ANO2: variants seen among roughly 807,000 people sequenced by gnomAD.
The protein encoded by ANO2 is anoctamin 2, also known as anoctamin-2.
ANO2 carries 101 observed loss-of-function variants against 124.2 expected under a neutral mutation model. The ratio of observed to expected loss-of-function variants is 0.81; its 90% CI spans 0.69 to 0.96. ANO2 has a LOEUF of 0.96. ANO2 is among the 40% of genes least tolerant of loss of function. ANO2 has a pLI of 0.00. For missense variants in ANO2, 1,293 were observed against 1,274.5 expected (o/e 1.01, Z -0.22); for synonymous variants, 486 against 482.5 (o/e 1.01, Z -0.09).
intron 3 of ANO2, among the ~76,000 whole-genome samples, chr12:5,916,703 A>G (rs1261117233): frequency 6.9e-6 from 1 of 144,868 alleles, no homozygotes; most frequent in Non-Finnish European, 1.5e-5. Context: ...TGTTCTACAC[A>G]ATAAAGTCTT....
At chr12:5,928,400 C>T (rs2136313079) in intron 1 of ANO2, among the ~76,000 whole-genome samples, 1 of 151,732 alleles carries the variant, frequency 6.6e-6, no homozygotes, top group African/African-American at 2.4e-5. Context: ...AGTCTACTTT[C>T]CTTCCTCACT....
intron 10 of ANO2, among the ~76,000 whole-genome samples, chr12:5,753,461 T>A (rs893927616): frequency 6.6e-6 from 1 of 152,232 alleles, no homozygotes; most frequent in African/African-American, 2.4e-5. Flanking sequence ...GCTTCTTGCA[T>A]CACTCAGCTT....
chr12:5,826,476 A>ATATATATC (rs1427598442), intron 7 of ANO2, among the ~76,000 whole-genome samples: 5 of 146,640 alleles, frequency 3.4e-5, no homozygotes, highest in African/African-American at 1.3e-4. Context: ...ATATATATAT[A>ATATATATC]TCCTTGATAT....
chr12:5,704,243 C>G (rs371134294), intron 14 of ANO2, among the ~76,000 whole-genome samples: 1 of 152,130 alleles, frequency 6.6e-6, no homozygotes, highest in African/African-American at 2.4e-5. Flanking sequence ...GGAACCCTCA[C>G]GACTCCTGCA....
chr12:5,715,551 T>A (rs1268478525), intron 14 of ANO2, among the ~76,000 whole-genome samples: 1 of 152,178 alleles, frequency 6.6e-6, no homozygotes, highest in African/African-American at 2.4e-5. Flanking sequence ...CTCCAGGACA[T>A]CTGTTCTCTC....
Position 5,862,328 on chromosome 12 carries a change from T to C in ANO2, c.535-8187A>G, listed in dbSNP as rs538561290. On this transcript the variant is annotated intron_variant, in intron 3 of 24. Coordinates refer to ENST00000682330, the MANE Select transcript of ANO2 (RefSeq NM_001364791.2). The surrounding 1 kb of genome is among the most constrained non-coding windows in gnomAD (Gnocchi z 4.0). ...TAAGACCAGCAGCAAGACCCTTCCT[T>C]CTTATGGAAAAGACTTCACCTGGTT... Among the ~76,000 whole-genome samples the C allele has an allele frequency of 3.3e-5, 5 of 152,170 alleles. No individual in the cohort carries two copies. Among genetic ancestry groups the C allele is most frequent in the South Asian group, 2.1e-4 (1 of 4,804 alleles).
intron 14 of ANO2, among the ~76,000 whole-genome samples, chr12:5,714,889 T>C (rs1949960608): frequency 6.6e-6 from 1 of 152,094 alleles, no homozygotes; most frequent in African/African-American, 2.4e-5. Context: ...TCAGATTTGT[T>C]TGGGGGTTTA....
intron 10 of ANO2, among the ~76,000 whole-genome samples, chr12:5,796,352 TCA>T (rs930526779): frequency 1.3e-4 from 19 of 149,262 alleles, no homozygotes; most frequent in Admixed American, 6.7e-4. Flanking sequence ...GCTCACACTC[TCA>T]CACACACCCT....
intron 15 of ANO2, among the ~76,000 whole-genome samples, chr12:5,644,111 A>C (rs1241160089): frequency 6.6e-6 from 1 of 152,130 alleles, no homozygotes; most frequent in Non-Finnish European, 1.5e-5. Flanking sequence ...AAGGTCATGA[A>C]AATATTTTTT....
intron 14 of ANO2, among the ~76,000 whole-genome samples, chr12:5,659,339 C>G (rs961937095): frequency 1.3e-5 from 2 of 152,208 alleles, no homozygotes; most frequent in African/African-American, 4.8e-5. Flanking sequence ...GCTCCTGTCA[C>G]CATAATGTCA....
chr12:5,924,355 C>T (rs1941976173), intron 1 of ANO2, among the ~76,000 whole-genome samples: 2 of 152,182 alleles, frequency 1.3e-5, no homozygotes, highest in African/African-American at 4.8e-5. Context: ...TTCATCATTC[C>T]TTTCTATACT....
In ANO2 at chr12:5,575,785, A is replaced by T. The variant is rs764301767; in HGVS notation, c.2621+49T>A. The stretch of plus-strand genomic sequence containing the variant: ...CTAGGTCGTCCCCGTAATTATTTGG[A>T]TCTATTGCTTCTGGTCCTCTGCTGC... On this transcript the variant is annotated intron_variant, in intron 23 of 24. Coordinates refer to ENST00000682330, the MANE Select transcript of ANO2 (RefSeq NM_001364791.2). 5 of 1,579,392 alleles carry T rather than the reference A, an allele frequency of 3.2e-6. No homozygotes were observed. In the South Asian group the frequency reaches 5.8e-5, roughly 18 times the overall value.
chr12:5,589,970 C>T (rs186984077), intron 20 of ANO2, among the ~76,000 whole-genome samples: 1 of 152,046 alleles, frequency 6.6e-6, no homozygotes, highest in Admixed American at 6.5e-5. Context: ...CAACACTACA[C>T]CTCGGAAGGA....
intron 20 of ANO2, among the ~76,000 whole-genome samples, chr12:5,597,270 C>T (rs1015084285): frequency 1.3e-5 from 2 of 152,062 alleles, no homozygotes; most frequent in South Asian, 2.1e-4. Flanking sequence ...CTCTGATGGG[C>T]CCCAGTGTGT....
chr12:5,797,577 C>T (rs1338952725), intron 10 of ANO2, among the ~76,000 whole-genome samples: 1 of 152,154 alleles, frequency 6.6e-6, no homozygotes, highest in Non-Finnish European at 1.5e-5. Flanking sequence ...CTAGTGCTCC[C>T]CACCACCAGC....
chr12:5,930,397 G>A (rs959766394), intron 1 of ANO2, among the ~76,000 whole-genome samples: 2 of 152,130 alleles, frequency 1.3e-5, no homozygotes, highest in Non-Finnish European at 2.9e-5. Context: ...GGTAATGGGG[G>A]TATAGGGGGA....
chr12:5,597,403 T>C (rs1249972546), intron 20 of ANO2, among the ~76,000 whole-genome samples: 7 of 152,204 alleles, frequency 4.6e-5, no homozygotes, highest in Non-Finnish European at 1.0e-4. Context: ...TCCATCTCCA[T>C]CCATGTTCCT....
chr12:5,823,400 T>G (rs1192735556), intron 7 of ANO2, among the ~76,000 whole-genome samples: 4 of 152,182 alleles, frequency 2.6e-5, no homozygotes, highest in Non-Finnish European at 2.9e-5. Context: ...ATACAGCCAT[T>G]CCACATGGGA....
intron 14 of ANO2, among the ~76,000 whole-genome samples, chr12:5,705,690 A>G (rs1414667376): frequency 6.6e-6 from 1 of 152,220 alleles, no homozygotes; most frequent in Admixed American, 6.5e-5. Flanking sequence ...CTTCCTAACT[A>G]GACATTAATG....
Sources: allele counts gnomAD v4.1 joint callset (sites outside exome capture counted in the v4.1 genomes callset), GRCh38; gene constraint gnomAD v4.1.1; non-coding constraint Gnocchi (gnomAD v3.1); transcripts MANE v1.5; gene names NCBI Gene and HGNC (gene_info 2026-07-23, HGNC 2026-07-21).